CAPZA1: variants seen among roughly 807,000 people sequenced by gnomAD.
The protein encoded by CAPZA1 is capping actin protein of muscle Z-line subunit alpha 1.
Under a neutral mutation model 40.8 loss-of-function variants are expected in CAPZA1, and 10 were observed. The ratio of observed to expected loss-of-function variants is 0.25; its 90% CI spans 0.15 to 0.42. The LOEUF is 0.42. CAPZA1 is among the 10% of genes least tolerant of loss of function. CAPZA1 has a pLI of 1.00. For missense variants in CAPZA1, 277 were observed against 353.8 expected, an observed-to-expected ratio of 0.78 and a Z score of 1.74; for synonymous variants, 98 against 115.0, an observed-to-expected ratio of 0.85 and a Z score of 0.95.
Position 112,654,616 on chromosome 1 carries a change from G to A in CAPZA1, c.371G>A (p.Cys124Tyr), listed in dbSNP as rs760407282. Residue 124 changes from cysteine to tyrosine, a missense_variant, in exon 5 of 10, where the codon TGT (cysteine) becomes TAT (tyrosine). Cys to Tyr is a radical substitution (Grantham distance 194, BLOSUM62 -2). Coordinates refer to ENST00000263168, the MANE Select transcript of CAPZA1 (RefSeq NM_006135.3). ...GGTCTGAAGTCTTGGAGAGAATCCT[G>A]TGACAGTGCTTTAAGAGCCTATGTG... ...DGGLKSWRES[C>Y]DSALRAYVKD... 1.5e-5 allele frequency: 25 copies of A among 1,613,952 alleles called. No homozygotes were observed. The highest frequency in any genetic ancestry group is 2.0e-5 in the Non-Finnish European group (24 of 1,179,846).
Position 112,642,195 on chromosome 1 carries a change from C to T in CAPZA1, c.40-5015C>T, listed in dbSNP as rs1197062621. Among the ~76,000 whole-genome samples the T allele has an allele frequency of 3.5e-5, 5 of 141,988 alleles. No homozygotes were observed. The Admixed American group carries it at 3.8e-4, about 11-fold the overall frequency. 93.1% of individuals were successfully genotyped at this position (141,988 alleles called of 152,430 possible). On this transcript the variant is annotated intron_variant, in intron 1 of 9. Coordinates refer to ENST00000263168, the MANE Select transcript of CAPZA1 (RefSeq NM_006135.3). ...AAACATCACAGCCTCTGAAGACTAC[C>T]CCGCACCTTTTTTTTTTTTTTTTTT...
chr1:112,638,925 GATATA>G (rs1418193798), intron 1 of CAPZA1, among the ~76,000 whole-genome samples: 5 of 149,270 alleles, frequency 3.3e-5, no homozygotes, highest in South Asian at 2.1e-4. Flanking sequence ...TATAGATATA[GATATA>G]GATATAGGTA....
Position 112,647,220 on chromosome 1 carries a change from C to T in CAPZA1, c.50C>T (p.Ala17Val). The T allele has an allele frequency of 6.6e-7, 1 of 1,526,278 alleles. No homozygotes were observed. Among genetic ancestry groups the T allele is most frequent in the South Asian group, 1.3e-5 (1 of 76,142 alleles). 94.5% of individuals were successfully genotyped at this position (1,526,278 alleles called of 1,614,324 possible). Residue 17 changes from alanine (A) to valine (V), a missense_variant, in exon 2 of 10, where the codon GCT becomes GTT. Ala to Val is a moderately conservative substitution (Grantham distance 64). Around this residue, in one of 2 missense-constraint regions of CAPZA1, gnomAD observed 85 missense variants for 76.5 expected, o/e 1.11. Transcript: ENST00000263168. ...TTTGTTTCTCTTTAGGTACGCATAG[C>T]TGCTAAATTCATCACTCATGCACCC... ...RVSDEEKVRI[A>V]AKFITHAPPG...
At chr1:112,658,906 C>T (rs1284681951) in intron 5 of CAPZA1, 116 bp from the exon 6 acceptor site, 12 of 760,500 alleles carry the variant, frequency 1.6e-5, no homozygotes, top group Non-Finnish European at 2.5e-5. Flanking sequence ...GTTCTAAGCT[C>T]ATTTTATGTG....
intron 3 of CAPZA1, among the ~76,000 whole-genome samples, chr1:112,650,271 A>G (rs1421033205): frequency 6.6e-6 from 1 of 152,216 alleles, no homozygotes; most frequent in Non-Finnish European, 1.5e-5. Flanking sequence ...TTAGCCATAG[A>G]AAACAGTTGT....
intron 1 of CAPZA1, among the ~76,000 whole-genome samples, chr1:112,625,330 C>T (rs1670784942): frequency 1.3e-5 from 2 of 152,064 alleles, no homozygotes; most frequent in African/African-American, 2.4e-5. Context: ...TTGCAAAGCC[C>T]CTAATGAAAG....
rs191630859 is a variant in CAPZA1 at position 112,635,294 on chromosome 1, C to A, written c.40-11916C>A. Among the ~76,000 whole-genome samples, 139 of 152,198 alleles carry A rather than the reference C, an allele frequency of 9.1e-4. 1 individual carries two copies. Among genetic ancestry groups the A allele is most frequent in the African/African-American group, 3.2e-3 (134 of 41,530 alleles). ...ATGAGTCAAGGCCAAGAGGTGAAATCTTTAATACATTCAGTAGACTAATGA... is the reference window on the plus strand; with the variant it reads ...ATGAGTCAAGGCCAAGAGGTGAAATATTTAATACATTCAGTAGACTAATGA... On this transcript the variant is annotated intron_variant, in intron 1 of 9. Transcript: ENST00000263168.
At chr1:112,658,505 C>G (rs1224489815) in intron 5 of CAPZA1, among the ~76,000 whole-genome samples, 1 of 152,190 alleles carries the variant, frequency 6.6e-6, no homozygotes, top group African/African-American at 2.4e-5. Context: ...ATCTTGAATA[C>G]CAGTATTGAT....
intron 1 of CAPZA1, among the ~76,000 whole-genome samples, chr1:112,621,345 T>G (rs4838961): frequency 6.6e-6 from 1 of 151,750 alleles, no homozygotes; most frequent in Non-Finnish European, 1.5e-5. Context: ...TCCGCCTCCC[T>G]GGTTCAAATT....
intron 1 of CAPZA1, among the ~76,000 whole-genome samples, chr1:112,640,029 G>A (rs1245944748): frequency 2.1e-4 from 14 of 65,996 alleles, no homozygotes; most frequent in Non-Finnish European, 3.1e-4. Flanking sequence ...TCAGCCCCCC[G>A]CCCGGCCAGC....
chr1:112,623,017 C>G (rs1041393851), intron 1 of CAPZA1, among the ~76,000 whole-genome samples: 3 of 151,924 alleles, frequency 2.0e-5, no homozygotes. Flanking sequence ...TCCCAAGTAG[C>G]TGGGATTACA....
chr1:112,665,922 G>A (rs960650939), intron 7 of CAPZA1, among the ~76,000 whole-genome samples: 3 of 152,130 alleles, frequency 2.0e-5, no homozygotes, highest in East Asian at 1.9e-4. Context: ...CAGCTCCTTC[G>A]TTTTATTTTC....
chr1:112,656,256 C>T (rs1671497326), intron 5 of CAPZA1, among the ~76,000 whole-genome samples: 1 of 152,144 alleles, frequency 6.6e-6, no homozygotes, highest in Non-Finnish European at 1.5e-5. Flanking sequence ...AGGTAAATTA[C>T]TTAACATCTC....
intron 1 of CAPZA1, among the ~76,000 whole-genome samples, chr1:112,621,951 C>T (rs1049144526): frequency 4.0e-5 from 6 of 151,512 alleles, no homozygotes; most frequent in Non-Finnish European, 8.8e-5. Context: ...TTAGTAGAGA[C>T]GGGGTTTCAC....
At chr1:112,623,348 G>A (rs1384671673) in intron 1 of CAPZA1, among the ~76,000 whole-genome samples, 1 of 152,106 alleles carries the variant, frequency 6.6e-6, no homozygotes, top group Non-Finnish European at 1.5e-5. Context: ...TCACTTTTCA[G>A]TTAGTTTTGC....
chr1:112,669,873 T>C (rs1216214669), intron 9 of CAPZA1, 119 bp from the exon 10 acceptor site: 14 of 1,098,636 alleles, frequency 1.3e-5, no homozygotes, highest in Non-Finnish European at 1.7e-5. Flanking sequence ...TTGAAAATAA[T>C]ATATCCTGTC....
rs1671737890 is a variant in CAPZA1 at position 112,667,071 on chromosome 1, C to T, written c.586-3C>T. ...AAAAAGGCTCAAACATTGTCTCACA[C>T]AGGTTCACTATTATGAAGATGGCAA... is the stretch of plus-strand genomic sequence containing the variant. On this transcript the variant is annotated splice_polypyrimidine_tract_variant and splice_region_variant and intron_variant, in intron 7 of 9. Coordinates refer to ENST00000263168, the MANE Select transcript of CAPZA1 (RefSeq NM_006135.3). The T allele has an allele frequency of 6.2e-7, 1 of 1,606,946 alleles. No homozygotes were observed. The highest frequency in any genetic ancestry group is 1.3e-5 in the African/African-American group (1 of 74,768).
At chr1:112,635,241 G>A (rs1267320856) in intron 1 of CAPZA1, among the ~76,000 whole-genome samples, 1 of 152,092 alleles carries the variant, frequency 6.6e-6, no homozygotes, top group African/African-American at 2.4e-5. Flanking sequence ...ACCAAGATAG[G>A]GAGAAAGGCA....
At chr1:112,650,191 G>A (rs1220964772) in intron 3 of CAPZA1, among the ~76,000 whole-genome samples, 1 of 152,136 alleles carries the variant, frequency 6.6e-6, no homozygotes, top group South Asian at 2.1e-4. Context: ...ACAGGACAAG[G>A]ACATGTTGAT....
Sources: gnomAD v4.1 joint callset for allele counts (sites outside exome capture counted in the v4.1 genomes callset) on GRCh38, gnomAD v4.1.1 for gene constraint, gnomAD v4.1.1 regional missense constraint, MANE v1.5 for transcripts, NCBI Gene and HGNC (gene_info 2026-07-23, HGNC 2026-07-21) for gene names.